Variants in PADI1 observed in about 807,000 individuals in gnomAD.
PADI1 encodes the protein peptidyl arginine deiminase 1.
PADI1 carries 65 observed loss-of-function variants against 74.8 expected under a neutral mutation model. The ratio of observed to expected loss-of-function variants is 0.87; its 90% CI spans 0.71 to 1.07. PADI1 has a LOEUF of 1.07. Ranked by LOEUF, PADI1 falls within the 50% of genes least tolerant of loss-of-function variation. The pLI is 0.00. For missense variants in PADI1, 943 were observed against 854.0 expected, an observed-to-expected ratio of 1.10 and a Z score of -1.30; for synonymous variants, 371 against 336.2, an observed-to-expected ratio of 1.10 and a Z score of -1.13.
At position 17,229,487 on chromosome 1, in the gene PADI1, C is replaced by T. The variant is rs146526724; in HGVS notation, c.929+436C>T. On this transcript the variant is annotated intron_variant, in intron 8 of 15. Transcript: ENST00000375471. ...TCACCCAGCTTGCTGGTCCTTCTGC[C>T]GTCTCTCAGAATCCTCATCATGCCC... 3.8e-3 allele frequency among the ~76,000 whole-genome samples: 583 copies of T among 152,334 alleles called. 3 individuals are homozygous for T. Among genetic ancestry groups the T allele is most frequent in the African/African-American group, 0.014 (569 of 41,576 alleles).
rs765885861 is a variant in PADI1 at position 17,244,900 on chromosome 1, G to A, written c.*657G>A. Reference sequence around the variant, plus strand: ...AATAGCTGACTCCGACCTCAGAAGAGTGATTGCTACCTTTCTGGAAAGACT... The same window carrying A: ...AATAGCTGACTCCGACCTCAGAAGAATGATTGCTACCTTTCTGGAAAGACT... On this transcript the variant is annotated 3_prime_UTR_variant, in exon 16 of 16. Coordinates refer to ENST00000375471, the MANE Select transcript of PADI1 (RefSeq NM_013358.3). 1 of 177,476 alleles carries A rather than the reference G, an allele frequency of 5.6e-6. No individual in the cohort carries two copies. The highest frequency in any genetic ancestry group is 1.2e-5 in the Non-Finnish European group (1 of 83,348). The allele number at this position is 177,476 out of a possible 1,614,324, so 11.0% of individuals were successfully genotyped here.
intron 6 of PADI1, among the ~76,000 whole-genome samples, chr1:17,227,196 A>G (rs1001580759): frequency 1.3e-4 from 19 of 148,896 alleles, no homozygotes; most frequent in African/African-American, 4.7e-4. Flanking sequence ...AGATCATGCC[A>G]CTGCACTCCA....
chr1:17,229,728 T>C (rs1312994418), intron 8 of PADI1, among the ~76,000 whole-genome samples: 1 of 152,210 alleles, frequency 6.6e-6, no homozygotes, highest in African/African-American at 2.4e-5. Flanking sequence ...ACCCCTTTGC[T>C]TAGGCCAATT....
In PADI1 at chr1:17,223,625, G is replaced by A. The variant is rs1366046448; in HGVS notation, c.278G>A (p.Arg93Lys). The A allele has an allele frequency of 1.2e-6, 2 of 1,613,774 alleles. No homozygotes were observed. Among genetic ancestry groups the A allele is most frequent in the East Asian group, 2.2e-5 (1 of 44,882 alleles). ...ASKELKDFKVRVSYFGEQEDQ... is the reference protein window; with the variant it reads ...ASKELKDFKVKVSYFGEQEDQ... ...GCTTAGGGCTATGTTCTGCAGGTGA[G>A]GGTCTCCTACTTTGGGGAGCAGGAA... is the stretch of plus-strand genomic sequence containing the variant. The change falls in exon 3 of 16, where the codon AGG (arginine) becomes AAG (lysine). Residue 93 changes from arginine to lysine, a missense_variant. Physicochemically the swap from Arg to Lys is conservative, Grantham distance 26. Coordinates refer to ENST00000375471, the MANE Select transcript of PADI1 (RefSeq NM_013358.3).
At chr1:17,234,589 AT>A (rs2072583153) in intron 11 of PADI1, among the ~76,000 whole-genome samples, 1 of 152,246 alleles carries the variant, frequency 6.6e-6, no homozygotes, top group South Asian at 2.1e-4. Context: ...GACCATCATT[AT>A]CCCCACTTTA....
intron 1 of PADI1, among the ~76,000 whole-genome samples, chr1:17,218,600 G>C (rs1257948584): frequency 6.6e-6 from 1 of 152,240 alleles, no homozygotes; most frequent in African/African-American, 2.4e-5. Flanking sequence ...TTTGGCAACA[G>C]TGGAGTTTCC....
chr1:17,208,639 C>T (rs1222730207), intron 1 of PADI1, among the ~76,000 whole-genome samples: 1 of 149,626 alleles, frequency 6.7e-6, no homozygotes, highest in African/African-American at 2.5e-5. Context: ...ATGACCCACA[C>T]TCCAGTGGGC....
At chr1:17,240,548 G>T in intron 14 of PADI1, 87 bp from the exon 15 acceptor site, 3 of 1,474,184 alleles carry the variant, frequency 2.0e-6, no homozygotes, top group Non-Finnish European at 1.9e-6. Flanking sequence ...GGCCCAGAGG[G>T]CTCCACACGG....
intron 1 of PADI1, among the ~76,000 whole-genome samples, chr1:17,214,505 T>C (rs2071921405): frequency 6.6e-6 from 1 of 152,074 alleles, no homozygotes; most frequent in South Asian, 2.1e-4. Flanking sequence ...TTTGGAGGGG[T>C]GCTTTCAAAT....
At chr1:17,229,872 C>G (rs1422760088) in intron 8 of PADI1, among the ~76,000 whole-genome samples, 2 of 152,228 alleles carry the variant, frequency 1.3e-5, no homozygotes, top group African/African-American at 4.8e-5. Flanking sequence ...CTGGGCACCA[C>G]TGCCCGCGCT....
chr1:17,205,338 G>A (rs768242912), intron 1 of PADI1, 29 bp downstream of exon 1: 2 of 1,556,342 alleles, frequency 1.3e-6, no homozygotes, highest in South Asian at 1.1e-5. Flanking sequence ...TCTCCTGGCT[G>A]CAGAGAGCTG....
intron 14 of PADI1, 37 bp from the exon 15 acceptor site, chr1:17,240,598 T>C: frequency 1.4e-6 from 2 of 1,436,132 alleles, no homozygotes; most frequent in East Asian, 4.6e-5. Flanking sequence ...GTTATGCTCT[T>C]CCTAGTCCTG....
At chr1:17,220,993 TG>T (rs1320561509) in intron 1 of PADI1, among the ~76,000 whole-genome samples, 2 of 152,012 alleles carry the variant, frequency 1.3e-5, no homozygotes, top group Non-Finnish European at 2.9e-5. Flanking sequence ...AGGGGTAGGG[TG>T]GGGGCCCGGC....
intron 14 of PADI1, chr1:17,240,116 G>T (rs1322050303): frequency 3.2e-6 from 1 of 310,908 alleles, no homozygotes. Flanking sequence ...GACCTTGAGG[G>T]GCCCAGAGGT....
At chr1:17,226,199 A>G (rs376159344) in intron 6 of PADI1, 41 bp downstream of exon 6, 84 of 1,601,770 alleles carry the variant, frequency 5.2e-5, no homozygotes, top group South Asian at 3.2e-4. Flanking sequence ...AGCTCCATCC[A>G]TATCTATCCT....
intron 15 of PADI1, 149 bp downstream of exon 15, chr1:17,240,909 C>T (rs2072763157): frequency 2.1e-6 from 2 of 956,532 alleles, no homozygotes; most frequent in Non-Finnish European, 1.5e-6. Flanking sequence ...ACATTCCCAT[C>T]AGTGGCTCTC....
chr1:17,235,157 G>A (rs1021279555), intron 11 of PADI1, among the ~76,000 whole-genome samples: 6 of 139,518 alleles, frequency 4.3e-5, no homozygotes, highest in South Asian at 2.5e-4. Context: ...GGGAGGGAGG[G>A]AGGGAGGAAG....
intron 1 of PADI1, among the ~76,000 whole-genome samples, chr1:17,220,289 T>A (rs1569779976): frequency 1.3e-5 from 2 of 152,124 alleles, no homozygotes; most frequent in African/African-American, 2.4e-5. Context: ...GAATTAGGAC[T>A]GTTGTCACCG....
chr1:17,236,711 C>T (rs571030238), intron 11 of PADI1, among the ~76,000 whole-genome samples: 19 of 151,458 alleles, frequency 1.3e-4, no homozygotes, highest in Admixed American at 8.5e-4. Context: ...CCATGCACTC[C>T]AGCCTCTAGG....
Sources: gnomAD v4.1 joint callset for allele counts (sites outside exome capture counted in the v4.1 genomes callset) on GRCh38, gnomAD v4.1.1 for gene constraint, MANE v1.5 for transcripts, NCBI Gene and HGNC (gene_info 2026-07-23, HGNC 2026-07-21) for gene names.